Variants in P2RY8 observed in about 807,000 individuals in gnomAD.
The protein encoded by P2RY8 is P2Y receptor family member 8.
In P2RY8, 6 loss-of-function variants were observed where a neutral mutation model predicts 10.0. That is an observed-to-expected ratio of 0.60 (90% CI 0.33 to 1.19). The LOEUF (loss-of-function observed/expected upper bound fraction) is 1.19. Ranked by LOEUF, P2RY8 falls within the 50% of genes most tolerant of loss-of-function variation. P2RY8 has a pLI of 0.04. For synonymous variants in P2RY8, 276 were observed against 252.5 expected, an observed-to-expected ratio of 1.09 and a Z score of -0.88; for missense variants, 456 against 542.0, an observed-to-expected ratio of 0.84 and a Z score of 1.58.
At chrX:1,532,162 A>C (rs1427735310) in intron 1 of P2RY8, among the ~76,000 whole-genome samples, 1 of 152,070 alleles carries the variant, frequency 6.6e-6, no homozygotes, top group African/African-American at 2.4e-5. Context: ...ATAGCAGCAC[A>C]ATTTGCAATT....
chrX:1,484,704 C>T (rs570353391), intron 1 of P2RY8, among the ~76,000 whole-genome samples: 2 of 107,486 alleles, frequency 1.9e-5, no homozygotes, highest in African/African-American at 3.6e-5. Context: ...CTCCAGCCTG[C>T]GTGACAGAGC....
In P2RY8 at chrX:1,472,061, T is replaced by C. The variant is rs1216299223; in HGVS notation, c.-24-5479A>G. Among the ~76,000 whole-genome samples, 11 of 152,090 alleles carry C rather than the reference T, an allele frequency of 7.2e-5. No individual in the cohort carries two copies. In the East Asian group the frequency reaches 2.1e-3, roughly 29 times the overall value. On this transcript the variant is annotated intron_variant, in intron 1 of 1. Coordinates refer to ENST00000381297, the MANE Select transcript of P2RY8 (RefSeq NM_178129.5). ...AGCAAATGGCACTCTGTTGGAGCTG[T>C]GGATTTGGAAGACAAAACAGACGCT...
At chrX:1,466,671 G>A in intron 1 of P2RY8, 89 bp from the exon 2 acceptor site, 4 of 1,291,662 alleles carry the variant, frequency 3.1e-6, no homozygotes, top group Non-Finnish European at 4.2e-6. Context: ...GCTCCCCGGG[G>A]ACCAAGGCGG....
At chrX:1,532,655 C>A (rs111709384) in intron 1 of P2RY8, among the ~76,000 whole-genome samples, 3,794 of 151,884 alleles carry the variant, frequency 0.025, 172 homozygotes, top group African/African-American at 0.088. Context: ...ACCCAAACAT[C>A]GTATGTTCTC....
At chrX:1,496,720 T>G (rs1425734783) in intron 1 of P2RY8, among the ~76,000 whole-genome samples, 10 of 150,444 alleles carry the variant, frequency 6.6e-5, no homozygotes, top group Non-Finnish European at 1.2e-4. Flanking sequence ...TTTTGTGAGA[T>G]GGAGTCTCAC....
chrX:1,484,216 G>A (rs1296918741), intron 1 of P2RY8, among the ~76,000 whole-genome samples: 24 of 152,130 alleles, frequency 1.6e-4, no homozygotes, highest in Admixed American at 2.6e-4. Flanking sequence ...ACCCTCAGCT[G>A]TGACAAGCCT....
chrX:1,515,507 G>A (rs2092339764), intron 1 of P2RY8, among the ~76,000 whole-genome samples: 1 of 151,616 alleles, frequency 6.6e-6, no homozygotes, highest in South Asian at 2.1e-4. Context: ...GAGTAGCTGG[G>A]ACTACAGGTG....
rs191298941 is a variant in P2RY8, at chrX:1,496,055, T to G, written c.-24-29473A>C. ...CCAGGACTGTGGGAGAAACAATGTC[T>G]GTTGTTTACAGTCCACCCAGTTTGC... On this transcript the variant is annotated intron_variant, in intron 1 of 1. Transcript: ENST00000381297. Among the ~76,000 whole-genome samples, 418 of 152,284 alleles carry G rather than the reference T, an allele frequency of 2.7e-3. 1 individual carries two copies. The highest frequency in any genetic ancestry group is 6.8e-3 in the South Asian group (33 of 4,820).
At chrX:1,488,848 A>AGAAT (rs1437872522) in intron 1 of P2RY8, among the ~76,000 whole-genome samples, 3 of 152,040 alleles carry the variant, frequency 2.0e-5, no homozygotes, top group Admixed American at 2.0e-4. Context: ...AAATGTGGAG[A>AGAAT]GAATGAATGA....
chrX:1,496,627 G>A (rs1396767915), intron 1 of P2RY8, among the ~76,000 whole-genome samples: 3 of 151,848 alleles, frequency 2.0e-5, no homozygotes, highest in South Asian at 2.1e-4. Flanking sequence ...GGCTTCAGAC[G>A]GAGCAGTCAT....
chrX:1,515,491 C>T (rs1273822485), intron 1 of P2RY8, among the ~76,000 whole-genome samples: 2 of 151,764 alleles, frequency 1.3e-5, no homozygotes, highest in African/African-American at 4.8e-5. Flanking sequence ...CCTGCCTCAG[C>T]TTCCCGAGTA....
At chrX:1,498,368 T>A (rs183897072) in intron 1 of P2RY8, among the ~76,000 whole-genome samples, 1 of 130,588 alleles carries the variant, frequency 7.7e-6, no homozygotes, top group African/African-American at 2.9e-5. Context: ...ATCGCGCCAC[T>A]GCACTCCAGC....
intron 1 of P2RY8, among the ~76,000 whole-genome samples, chrX:1,493,363 G>T (rs1360437382): frequency 2.1e-5 from 1 of 48,476 alleles, no homozygotes; most frequent in African/African-American, 7.6e-5. Context: ...GGGGAGGGGA[G>T]GGGGAGGGAG....
chrX:1,488,121 AGAAG>A (rs2092004473), intron 1 of P2RY8, among the ~76,000 whole-genome samples: 2 of 148,968 alleles, frequency 1.3e-5, no homozygotes. Flanking sequence ...AAAAAAAAAA[AGAAG>A]AAGAAGAGAA....
intron 1 of P2RY8, among the ~76,000 whole-genome samples, chrX:1,535,473 T>C (rs1328872904): frequency 4.0e-5 from 6 of 151,440 alleles, no homozygotes; most frequent in African/African-American, 9.7e-5. Context: ...CAGGCGTCTG[T>C]CACCGCCGTA....
intron 1 of P2RY8, among the ~76,000 whole-genome samples, chrX:1,500,077 C>T (rs2092161798): frequency 6.7e-6 from 1 of 148,374 alleles, no homozygotes; most frequent in Non-Finnish European, 1.5e-5. Flanking sequence ...CCAGGATGGT[C>T]TCGATCTCCT....
At chrX:1,511,377 C>T (rs1391039065) in intron 1 of P2RY8, among the ~76,000 whole-genome samples, 1 of 152,116 alleles carries the variant, frequency 6.6e-6, no homozygotes, top group Non-Finnish European at 1.5e-5. Flanking sequence ...TACAAGTATG[C>T]TTGGTCATCT....
intron 1 of P2RY8, among the ~76,000 whole-genome samples, chrX:1,503,599 A>T (rs1182772921): frequency 1.3e-5 from 2 of 152,050 alleles, no homozygotes; most frequent in Non-Finnish European, 2.9e-5. Context: ...GTCTCTACTA[A>T]AAATACAAAA....
rs756513466 is a variant in P2RY8, at chrX:1,464,916, G to A, written c.*563C>T. On this transcript the variant is annotated 3_prime_UTR_variant, in exon 2 of 2. Transcript: ENST00000381297. Reference sequence around the variant, plus strand: ...GAGTGAAATAAACAGAAATTTCGGCGTGCACCGGGCTACGGAGACCAGAAC... The same window carrying A: ...GAGTGAAATAAACAGAAATTTCGGCATGCACCGGGCTACGGAGACCAGAAC... 10 of 234,896 alleles carry A rather than the reference G, an allele frequency of 4.3e-5. No homozygotes were observed. The South Asian group carries it at 1.4e-3, about 34-fold the overall frequency. The allele number at this position is 234,896 out of a possible 1,614,324, so 14.6% of individuals were successfully genotyped here. A position where few individuals can be genotyped will look rare whatever the true frequency, so the allele number is the denominator to read the frequency against.
Sources: gnomAD v4.1 joint callset for allele counts (sites outside exome capture counted in the v4.1 genomes callset) on GRCh38, gnomAD v4.1.1 for gene constraint, MANE v1.5 for transcripts, NCBI Gene and HGNC (gene_info 2026-07-23, HGNC 2026-07-21) for gene names.